Variants in NECAB1 observed in about 807,000 individuals in gnomAD.
NECAB1 encodes N-terminal EF-hand calcium binding protein 1.
Under a neutral mutation model 57.5 loss-of-function variants are expected in NECAB1, and 29 were observed. The ratio of observed to expected loss-of-function variants is 0.50; its 90% CI spans 0.38 to 0.69. NECAB1 has a LOEUF of 0.69. Ranked by LOEUF, NECAB1 falls within the 30% of genes least tolerant of loss-of-function variation. The pLI is 0.00. For missense variants in NECAB1, 372 were observed against 413.8 expected (o/e 0.90, Z 0.88); for synonymous variants, 142 against 147.7 (o/e 0.96, Z 0.28).
rs200634869 is a variant in NECAB1, at chr8:90,927,196, T to TTC, written c.617-1019_617-1018dup. On this transcript the variant is annotated intron_variant, in intron 7 of 12. Transcript: ENST00000417640. The stretch of plus-strand genomic sequence containing the variant: ...ATTTTCTCCAATCAGCCCCTTTCTT[T>TTC]TCTCTCTCTTTTTTTTTTTTTTGTA... Among the ~76,000 whole-genome samples, 6 of 95,946 alleles carry TTC rather than the reference T, an allele frequency of 6.3e-5. 1 individual carries two copies. Among genetic ancestry groups the TTC allele is most frequent in the East Asian group, 5.3e-4 (1 of 1,882 alleles). The allele number at this position is 95,946 out of a possible 152,430, so 62.9% of individuals were successfully genotyped here. A position where few individuals can be genotyped will look rare whatever the true frequency, so the allele number is the denominator to read the frequency against.
At chr8:90,905,267 C>T (rs1311829056) in intron 5 of NECAB1, among the ~76,000 whole-genome samples, 2 of 152,080 alleles carry the variant, frequency 1.3e-5, no homozygotes, top group Non-Finnish European at 2.9e-5. Context: ...CAGAAAGAAG[C>T]CAGGGAAAGT....
In NECAB1 at chr8:90,932,688, A is replaced by G. The variant is rs1442100419; in HGVS notation, c.694-1616A>G. 3.3e-5 allele frequency among the ~76,000 whole-genome samples: 5 copies of G among 152,324 alleles called. 1 individual carries two copies. The East Asian group carries it at 9.6e-4, about 29-fold the overall frequency. The stretch of plus-strand genomic sequence containing the variant: ...GAAAGTTCCACCACAAAATAACAGC[A>G]CAGCTAGAGCAACATAGCTCTATTA... On this transcript the variant is annotated intron_variant, in intron 8 of 12. Transcript: ENST00000417640.
intron 3 of NECAB1, among the ~76,000 whole-genome samples, chr8:90,862,783 T>A (rs993887397): frequency 2.6e-5 from 2 of 78,018 alleles, no homozygotes; most frequent in Non-Finnish European, 2.3e-5. Context: ...ATATGAAAAG[T>A]CTAAAATGTT....
Position 90,940,884 on chromosome 8 carries a change from A to T in NECAB1, c.846A>T (p.Gln282His), listed in dbSNP as rs759224710. Reference protein sequence around the residue: ...LKHYVESASSQSGCLRISIQK... With the variant: ...LKHYVESASSHSGCLRISIQK... ...ACTACGTGGAGAGTGCTTCCTCCCA[A>T]AGTGGATGCTTGCGGTAAGTGCTCC... The change falls in exon 10 of 13, where the codon CAA becomes CAT. Residue 282 changes from glutamine (Q) to histidine (H), a missense_variant. Gln to His is a conservative substitution (Grantham distance 24, BLOSUM62 0). Coordinates refer to ENST00000417640, the MANE Select transcript of NECAB1 (RefSeq NM_022351.5). The T allele has an allele frequency of 1.3e-6, 2 of 1,558,658 alleles. No homozygotes were observed. Among genetic ancestry groups the T allele is most frequent in the East Asian group, 4.8e-5 (2 of 41,502 alleles).
chr8:90,870,574 G>A (rs191836886), intron 3 of NECAB1, among the ~76,000 whole-genome samples: 22 of 152,252 alleles, frequency 1.4e-4, no homozygotes, highest in Non-Finnish European at 3.1e-4. Flanking sequence ...CTACTATTTA[G>A]AGATTTAGCT....
At chr8:90,857,972 C>T (rs940463080) in intron 3 of NECAB1, among the ~76,000 whole-genome samples, 1 of 152,100 alleles carries the variant, frequency 6.6e-6, no homozygotes, top group Non-Finnish European at 1.5e-5. Flanking sequence ...TTATTTTAAG[C>T]ATGAAGCATA....
At chr8:90,911,635 T>C (rs1809833212) in intron 5 of NECAB1, among the ~76,000 whole-genome samples, 1 of 152,132 alleles carries the variant, frequency 6.6e-6, no homozygotes, top group African/African-American at 2.4e-5. Flanking sequence ...AGGTAGCAGA[T>C]ATGCAGTAGA....
intron 3 of NECAB1, among the ~76,000 whole-genome samples, chr8:90,839,483 ACAAG>A (rs1812421773): frequency 6.6e-6 from 1 of 152,214 alleles, no homozygotes; most frequent in African/African-American, 2.4e-5. Flanking sequence ...GAGAAAGTAG[ACAAG>A]CAATAACTTG....
intron 3 of NECAB1, among the ~76,000 whole-genome samples, chr8:90,863,112 G>T (rs538241967): frequency 1.4e-4 from 22 of 151,898 alleles, no homozygotes; most frequent in African/African-American, 3.1e-4. Flanking sequence ...GAAAGAAGAA[G>T]AATAATAAAA....
intron 6 of NECAB1, among the ~76,000 whole-genome samples, chr8:90,925,071 G>C (rs1044437655): frequency 6.6e-6 from 1 of 151,814 alleles, no homozygotes; most frequent in African/African-American, 2.4e-5. Flanking sequence ...AAGAGGAGTG[G>C]GAATATGATA....
chr8:90,841,272 A>T (rs974377401), intron 3 of NECAB1, among the ~76,000 whole-genome samples: 11 of 151,922 alleles, frequency 7.2e-5, no homozygotes, highest in Admixed American at 2.6e-4. Context: ...AAAAAATAAA[A>T]AAAAAAAAGG....
chr8:90,802,716 A>G (rs2130645212), intron 2 of NECAB1, among the ~76,000 whole-genome samples: 1 of 152,328 alleles, frequency 6.6e-6, no homozygotes, highest in African/African-American at 2.4e-5. Context: ...AAGATTATTA[A>G]TCCAAGGAAC....
At chr8:90,830,928 G>A (rs1000892581) in intron 3 of NECAB1, among the ~76,000 whole-genome samples, 1 of 152,134 alleles carries the variant, frequency 6.6e-6, no homozygotes, top group South Asian at 2.1e-4. Context: ...AGAATTATTG[G>A]ATGTGAGTGA....
In NECAB1 at chr8:90,956,522, T is replaced by G. The variant is rs1351237366; in HGVS notation, c.*1010T>G. 1 of 151,858 alleles carries G rather than the reference T, an allele frequency of 6.6e-6. No homozygotes were observed. Among genetic ancestry groups the G allele is most frequent in the Non-Finnish European group, 1.5e-5 (1 of 67,868 alleles). The allele number at this position is 151,858 out of a possible 1,614,324, so 9.4% of individuals were successfully genotyped here. On this transcript the variant is annotated 3_prime_UTR_variant, in exon 13 of 13. Coordinates refer to ENST00000417640, the MANE Select transcript of NECAB1 (RefSeq NM_022351.5). ...ATCTACCTATAGAACTATCTGTAGA[T>G]AGTATACTATCTACACTCTGCTCAA...
intron 2 of NECAB1, among the ~76,000 whole-genome samples, chr8:90,801,979 C>A (rs1811765190): frequency 1.3e-5 from 2 of 152,192 alleles, no homozygotes; most frequent in South Asian, 4.1e-4. Flanking sequence ...TTTTCATGCA[C>A]CAAAAAATAA....
chr8:90,915,218 T>C (rs1333926867), intron 5 of NECAB1, among the ~76,000 whole-genome samples: 1 of 152,186 alleles, frequency 6.6e-6, no homozygotes, highest in Admixed American at 6.5e-5. Context: ...TTAATAAATT[T>C]TATTTTTTAA....
chr8:90,884,702 C>T (rs1428818659), intron 5 of NECAB1, among the ~76,000 whole-genome samples: 1 of 152,134 alleles, frequency 6.6e-6, no homozygotes, highest in Non-Finnish European at 1.5e-5. Context: ...AGAGCAACCA[C>T]AAAAAATACT....
At chr8:90,802,707 A>T (rs533986107) in intron 2 of NECAB1, among the ~76,000 whole-genome samples, 3 of 152,222 alleles carry the variant, frequency 2.0e-5, no homozygotes, top group Non-Finnish European at 4.4e-5. Flanking sequence ...ACACAAAAGA[A>T]GATTATTAAT....
At chr8:90,831,563 A>G (rs1312510985) in intron 3 of NECAB1, among the ~76,000 whole-genome samples, 1 of 152,138 alleles carries the variant, frequency 6.6e-6, no homozygotes, top group Non-Finnish European at 1.5e-5. Context: ...GAAGTCAGGG[A>G]GAATTCTGTT....
Sources: gnomAD v4.1 joint callset for allele counts (sites outside exome capture counted in the v4.1 genomes callset) on GRCh38, gnomAD v4.1.1 for gene constraint, MANE v1.5 for transcripts, NCBI Gene and HGNC (gene_info 2026-07-23, HGNC 2026-07-21) for gene names.